Variants in CNTNAP2 observed in about 807,000 individuals in gnomAD.
CNTNAP2 encodes the protein contactin associated protein 2.
A neutral mutation model predicts 155.2 loss-of-function variants in CNTNAP2; 98 were observed. The observed-to-expected ratio is 0.63, with a 90% CI of 0.54 to 0.75. CNTNAP2 has a LOEUF of 0.75. Among genes scored for constraint, CNTNAP2 ranks in the 30% least tolerant of loss-of-function variants. CNTNAP2 has a pLI of 0.00. For synonymous variants in CNTNAP2, 651 were observed against 631.2 expected (o/e 1.03, Z -0.47); for missense variants, 1,727 against 1,688.1 (o/e 1.02, Z -0.40).
chr7:146,579,798 G>A (rs4726793), intron 1 of CNTNAP2, among the ~76,000 whole-genome samples: 122,357 of 152,098 alleles, frequency 0.8, 49,760 homozygotes, highest in South Asian at 0.88. Context: ...GTGCCTCAGT[G>A]TCATATAATG....
intron 9 of CNTNAP2, among the ~76,000 whole-genome samples, chr7:147,355,831 T>C (rs563627387): frequency 6.6e-6 from 1 of 152,170 alleles, no homozygotes; most frequent in South Asian, 2.1e-4. Context: ...ACCACACGAA[T>C]TCACAACCGA....
At chr7:146,604,834 A>G (rs915941107) in intron 1 of CNTNAP2, among the ~76,000 whole-genome samples, 15 of 145,612 alleles carry the variant, frequency 1.0e-4, no homozygotes, top group African/African-American at 3.2e-4. Flanking sequence ...ACAAAAAACC[A>G]AACACCTCAT....
At chr7:146,147,708 T>C (rs905751768) in intron 1 of CNTNAP2, among the ~76,000 whole-genome samples, 6 of 152,142 alleles carry the variant, frequency 3.9e-5, no homozygotes, top group African/African-American at 1.2e-4. Context: ...ATCTGCTCTA[T>C]CCTGTTACGT....
At chr7:147,058,256 T>A (rs1453427752) in intron 4 of CNTNAP2, among the ~76,000 whole-genome samples, 1 of 152,206 alleles carries the variant, frequency 6.6e-6, no homozygotes, top group Non-Finnish European at 1.5e-5. Context: ...TGGCCGGGGA[T>A]TATTTATATA....
chr7:148,367,017 G>A (rs923289567), intron 21 of CNTNAP2, among the ~76,000 whole-genome samples: 3 of 152,206 alleles, frequency 2.0e-5, no homozygotes, highest in African/African-American at 7.2e-5. Context: ...CGGATCACGA[G>A]GTGAAGAGAT....
At chr7:147,446,452 T>C (rs1364174311) in intron 10 of CNTNAP2, among the ~76,000 whole-genome samples, 3 of 152,184 alleles carry the variant, frequency 2.0e-5, no homozygotes, top group Non-Finnish European at 4.4e-5. Flanking sequence ...TCTGGGGCCA[T>C]AAGTAATGAC....
intron 3 of CNTNAP2, among the ~76,000 whole-genome samples, chr7:146,854,039 C>CA (rs1181580309): frequency 1.3e-5 from 2 of 152,096 alleles, no homozygotes; most frequent in Non-Finnish European, 2.9e-5. Flanking sequence ...GAGAAAACAA[C>CA]AGAGTTTGCA....
chr7:147,656,295 T>C (rs1795524683), intron 13 of CNTNAP2, among the ~76,000 whole-genome samples: 1 of 152,240 alleles, frequency 6.6e-6, no homozygotes, highest in African/African-American at 2.4e-5. Context: ...TTTGAGAATC[T>C]TTTCTTTGCA....
At chr7:147,588,246 G>A (rs573903336) in intron 12 of CNTNAP2, among the ~76,000 whole-genome samples, 1 of 152,202 alleles carries the variant, frequency 6.6e-6, no homozygotes, top group African/African-American at 2.4e-5. Flanking sequence ...AGAAAGAGGT[G>A]CTGGATATAT....
chr7:147,842,405 G>A (rs116239169), intron 13 of CNTNAP2, among the ~76,000 whole-genome samples: 1,522 of 150,646 alleles, frequency 0.01, no homozygotes, highest in African/African-American at 0.036. Flanking sequence ...CATATTCTAT[G>A]TTAATAATAT....
chr7:146,740,193 A>T (rs1030293504), intron 1 of CNTNAP2, among the ~76,000 whole-genome samples: 3 of 151,214 alleles, frequency 2.0e-5, no homozygotes, highest in Admixed American at 1.3e-4. Context: ...CCTGTCTGTA[A>T]GTTCACAAAT....
At chr7:146,925,707 T>A (rs1216887069) in intron 3 of CNTNAP2, among the ~76,000 whole-genome samples, 1 of 152,154 alleles carries the variant, frequency 6.6e-6, no homozygotes, top group Non-Finnish European at 1.5e-5. Context: ...TACCACTCTC[T>A]AAGCTCTATT....
At chr7:146,686,956 A>G (rs1359424927) in intron 1 of CNTNAP2, among the ~76,000 whole-genome samples, 1 of 152,152 alleles carries the variant, frequency 6.6e-6, no homozygotes, top group East Asian at 1.9e-4. Context: ...ATGAAGCACT[A>G]TGTTGATGAT....
intron 1 of CNTNAP2, among the ~76,000 whole-genome samples, chr7:146,735,752 T>C (rs548207690): frequency 7.1e-6 from 1 of 140,456 alleles, no homozygotes; most frequent in Non-Finnish European, 1.5e-5. Context: ...ACTAGCAGCT[T>C]GGAAGAGTAG....
chr7:147,906,426 C>A (rs1271667844), intron 14 of CNTNAP2, among the ~76,000 whole-genome samples: 7 of 152,090 alleles, frequency 4.6e-5, no homozygotes, highest in Non-Finnish European at 1.0e-4. Flanking sequence ...CCTCAGCCTC[C>A]CACAGTGCTA....
chr7:147,808,119 C>A (rs2116602573), intron 13 of CNTNAP2, among the ~76,000 whole-genome samples: 1 of 152,232 alleles, frequency 6.6e-6, no homozygotes, highest in South Asian at 2.1e-4. Flanking sequence ...TTTCCTCTCT[C>A]TATATATACT....
chr7:146,948,017 A>C (rs190788427), intron 3 of CNTNAP2, among the ~76,000 whole-genome samples: 51 of 152,236 alleles, frequency 3.4e-4, no homozygotes, highest in African/African-American at 1.2e-3. Flanking sequence ...AGCATATAAA[A>C]AGTTTTATGT....
chr7:146,750,758 TTC>T (rs773289025), intron 1 of CNTNAP2, among the ~76,000 whole-genome samples: 60 of 152,320 alleles, frequency 3.9e-4, no homozygotes, highest in Middle Eastern at 3.4e-3. Flanking sequence ...ATTGTATCTT[TTC>T]TCTTTTTGCC....
Position 146,721,889 on chromosome 7 carries a change from A to ATTTTTTTTTTTTTT in CNTNAP2, c.98-52378_98-52365dup, listed in dbSNP as rs71527797. 1.0e-3 allele frequency among the ~76,000 whole-genome samples: 71 copies of ATTTTTTTTTTTTTT among 69,702 alleles called. 5 individuals carry two copies. Among genetic ancestry groups the ATTTTTTTTTTTTTT allele is most frequent in the African/African-American group, 8.9e-3 (47 of 5,254 alleles). The allele number at this position is 69,702 out of a possible 152,430, so 45.7% of individuals were successfully genotyped here. A position where few individuals can be genotyped will look rare whatever the true frequency, so the allele number is the denominator to read the frequency against. ...TGTGTGTGTGTGTATATATATATATATTTTTTTTTTTTTTTTTGAGATGGA... is the reference window on the plus strand; with the variant it reads ...TGTGTGTGTGTGTATATATATATATATTTTTTTTTTTTTTTTTTTTTTTTTTTTTTTGAGATGGA... On this transcript the variant is annotated intron_variant, in intron 1 of 23. Coordinates refer to ENST00000361727, the MANE Select transcript of CNTNAP2 (RefSeq NM_014141.6).
Sources: allele counts gnomAD v4.1 joint callset (sites outside exome capture counted in the v4.1 genomes callset), GRCh38; gene constraint gnomAD v4.1.1; transcripts MANE v1.5; gene names NCBI Gene and HGNC (gene_info 2026-07-23, HGNC 2026-07-21).